MAP3K15: variants seen among roughly 807,000 people sequenced by gnomAD.
MAP3K15 encodes the protein MAPK/ERK kinase kinase 15.
MAP3K15 carries 124 observed loss-of-function variants against 99.5 expected under a neutral mutation model. The observed-to-expected ratio is 1.25, with a 90% CI of 1.08 to 1.45. The LOEUF (loss-of-function observed/expected upper bound fraction) is 1.45, where lower values mean the gene tolerates loss of function less well. Among genes scored for constraint, MAP3K15 ranks in the 40% most tolerant of loss-of-function variants. The pLI, the probability that MAP3K15 is intolerant of heterozygous loss-of-function variation, is 0.00. For synonymous variants in MAP3K15, 494 were observed against 439.6 expected, an observed-to-expected ratio of 1.12 and a Z score of -1.55; for missense variants, 1,242 against 1,079.7, an observed-to-expected ratio of 1.15 and a Z score of -2.11.
At chrX:19,415,708 C>A (rs1701618692) in intron 9 of MAP3K15, among the ~76,000 whole-genome samples, 1 of 109,337 alleles carries the variant, frequency 9.1e-6, no homozygotes, top group Non-Finnish European at 1.9e-5. Flanking sequence ...AACTGTGAAG[C>A]CTAGAAATAT....
intron 1 of MAP3K15, among the ~76,000 whole-genome samples, chrX:19,490,118 G>A (rs1439671743): frequency 1.0e-5 from 1 of 98,990 alleles, no homozygotes; most frequent in Non-Finnish European, 2.0e-5. Flanking sequence ...AAGACAATAC[G>A]TACAGGCATG....
At chrX:19,419,869 C>T (rs1435640146) in intron 9 of MAP3K15, among the ~76,000 whole-genome samples, 3 of 112,062 alleles carry the variant, frequency 2.7e-5, no homozygotes, top group African/African-American at 3.2e-5. Context: ...CAAACTAGTA[C>T]TCATGATTAA....
At chrX:19,410,151 T>A (rs182796803) in intron 11 of MAP3K15, among the ~76,000 whole-genome samples, 178 bp from the exon 12 acceptor site, 1,409 of 112,597 alleles carry the variant, frequency 0.013, 21 homozygotes, top group African/African-American at 0.043. Context: ...TTATGTATTA[T>A]AAAAATTCAT....
chrX:19,414,959 C>T (rs1172886062), intron 10 of MAP3K15, 148 bp downstream of exon 10: 1 of 510,011 alleles, frequency 2.0e-6, no homozygotes, highest in African/African-American at 2.4e-5. Context: ...TGATCTATCA[C>T]TTACTGATTT....
At chrX:19,511,942 G>T (rs372824149) in intron 1 of MAP3K15, among the ~76,000 whole-genome samples, 18 of 112,089 alleles carry the variant, frequency 1.6e-4, no homozygotes, top group Admixed American at 4.7e-4. Context: ...TGATAGACTG[G>T]ATAAAGAAAA....
chrX:19,360,726 T>G lies in MAP3K15; in HGVS notation c.*23A>C. 1 of 1,162,757 alleles carries G rather than the reference T, an allele frequency of 8.6e-7. No homozygotes were observed. The highest frequency in any genetic ancestry group is 1.2e-6 in the Non-Finnish European group (1 of 853,071). The stretch of plus-strand genomic sequence containing the variant: ...AAACATGTAGCGTGGTGGGACACTC[T>G]GCCACAGCTTAGCTGATTGGTATCA... On this transcript the variant is annotated 3_prime_UTR_variant, in exon 29 of 29. Coordinates refer to ENST00000338883, the MANE Select transcript of MAP3K15 (RefSeq NM_001001671.4).
At chrX:19,465,865 G>GT (rs2064165446) in intron 3 of MAP3K15, among the ~76,000 whole-genome samples, 1 of 108,315 alleles carries the variant, frequency 9.2e-6, no homozygotes, top group Admixed American at 9.9e-5. Context: ...GTGTGTGTGT[G>GT]ATAAGTGGGG....
At chrX:19,392,317 C>T in intron 17 of MAP3K15, 26 bp downstream of exon 17, 1 of 1,197,000 alleles carries the variant, frequency 8.4e-7, no homozygotes, top group Non-Finnish European at 1.1e-6. Flanking sequence ...GCAAAGGCAA[C>T]CTCGTCAGCT....
At chrX:19,493,346 C>CAA (rs755083263) in intron 1 of MAP3K15, among the ~76,000 whole-genome samples, 8,028 of 49,026 alleles carry the variant, frequency 0.16, 486 homozygotes, top group Non-Finnish European at 0.21. Context: ...TACTGCTACT[C>CAA]AAAAAAAAAA....
rs1408028445 is a variant in MAP3K15, at chrX:19,425,586, C to T, written c.1384G>A (p.Val462Ile). ...TCTGCTGCCTGGACGGCTTTCCCGA[C>T]ATCATGGGCCAGCATGCTGACGCTG... ...FFSVSMLAHD[V>I]GKAVQAAERL... The change falls in exon 9 of 29, where the codon GTC becomes ATC. Residue 462 changes from valine to isoleucine, a missense_variant. By Grantham distance (29) the Val-to-Ile change is conservative. Coordinates refer to ENST00000338883, the MANE Select transcript of MAP3K15 (RefSeq NM_001001671.4). The T allele has an allele frequency of 8.3e-7, 1 of 1,199,493 alleles. No homozygotes were observed. Among genetic ancestry groups the T allele is most frequent in the South Asian group, 1.8e-5 (1 of 56,635 alleles).
chrX:19,361,254 G>T, intron 28 of MAP3K15, 85 bp downstream of exon 28: 1 of 803,449 alleles, frequency 1.2e-6, no homozygotes, highest in African/African-American at 2.0e-5. Context: ...TTGGGGGGAG[G>T]CCCAGCCCTT....
At chrX:19,397,340 ATTTT>A (rs994509015) in intron 15 of MAP3K15, among the ~76,000 whole-genome samples, 1 of 112,075 alleles carries the variant, frequency 8.9e-6, no homozygotes, top group Non-Finnish European at 1.9e-5. Context: ...CAAAAATCTG[ATTTT>A]TTTTATCTGC....
At chrX:19,403,704 C>T (rs1602276385) in intron 13 of MAP3K15, among the ~76,000 whole-genome samples, 2 of 108,832 alleles carry the variant, frequency 1.8e-5, no homozygotes, top group East Asian at 5.7e-4. Flanking sequence ...CCCACTCAAG[C>T]AATCCTCCTT....
At chrX:19,502,931 C>T (rs2064449901) in intron 1 of MAP3K15, among the ~76,000 whole-genome samples, 1 of 111,774 alleles carries the variant, frequency 8.9e-6, no homozygotes, top group Admixed American at 9.6e-5. Flanking sequence ...GATACAGTAG[C>T]CTCTAGGCAG....
chrX:19,366,006 C>CAA (rs1172350617), intron 25 of MAP3K15, among the ~76,000 whole-genome samples: 717 of 19,455 alleles, frequency 0.037, 30 homozygotes, highest in African/African-American at 0.048. Context: ...GCCTCCATCT[C>CAA]AAAAAAAAAA....
chrX:19,509,460 C>T (rs757787096), intron 1 of MAP3K15, among the ~76,000 whole-genome samples: 55 of 111,882 alleles, frequency 4.9e-4, no homozygotes, highest in Non-Finnish European at 8.6e-4. Context: ...CGCACAACTA[C>T]GTGGAAACTG....
At chrX:19,483,584 G>A (rs1295737477) in intron 3 of MAP3K15, among the ~76,000 whole-genome samples, 1 of 110,271 alleles carries the variant, frequency 9.1e-6, no homozygotes, top group Admixed American at 9.7e-5. Flanking sequence ...GTGTGTGTGT[G>A]TGTTAATCAA....
chrX:19,414,031 T>A (rs942699922), intron 10 of MAP3K15, among the ~76,000 whole-genome samples: 7 of 107,837 alleles, frequency 6.5e-5, no homozygotes, highest in Admixed American at 5.0e-4. Context: ...TGTGGTGGTA[T>A]ACACCTGTAA....
intron 9 of MAP3K15, among the ~76,000 whole-genome samples, chrX:19,424,990 T>C (rs1457723700): frequency 9.1e-6 from 1 of 110,151 alleles, no homozygotes; most frequent in Non-Finnish European, 1.9e-5. Flanking sequence ...ACAACAGAAT[T>C]TGAGAACCAC....
Sources: allele counts gnomAD v4.1 joint callset (sites outside exome capture counted in the v4.1 genomes callset), GRCh38; gene constraint gnomAD v4.1.1; transcripts MANE v1.5; gene names NCBI Gene and HGNC (gene_info 2026-07-23, HGNC 2026-07-21).